Variants in CAMKMT observed in about 807,000 individuals in gnomAD.
CAMKMT encodes CaM KMT.
A neutral mutation model predicts 48.0 loss-of-function variants in CAMKMT; 53 were observed. The ratio of observed to expected loss-of-function variants is 1.10; its 90% confidence interval spans 0.89 to 1.39. The LOEUF (loss-of-function observed/expected upper bound fraction) is 1.39. Ranked by LOEUF, CAMKMT falls within the 40% of genes most tolerant of loss-of-function variation. CAMKMT has a pLI of 0.00. For synonymous variants in CAMKMT, 165 were observed against 152.3 expected (o/e 1.08, Z -0.61); for missense variants, 428 against 402.7 (o/e 1.06, Z -0.54).
At chr2:44,566,966 A>G (rs1668648638) in intron 3 of CAMKMT, among the ~76,000 whole-genome samples, 1 of 152,200 alleles carries the variant, frequency 6.6e-6, no homozygotes, top group East Asian at 1.9e-4. Flanking sequence ...CAGTCGTAGT[A>G]GTAGTAGCAG....
chr2:44,434,390 G>A (rs1211181515), intron 3 of CAMKMT, among the ~76,000 whole-genome samples: 1 of 152,132 alleles, frequency 6.6e-6, no homozygotes, highest in Non-Finnish European at 1.5e-5. Context: ...TCTTCTGTAG[G>A]AATTTGTTGC....
intron 3 of CAMKMT, among the ~76,000 whole-genome samples, chr2:44,511,972 A>C (rs1331703297): frequency 6.6e-6 from 1 of 152,152 alleles, no homozygotes; most frequent in Non-Finnish European, 1.5e-5. Flanking sequence ...GCTCCTTGTA[A>C]TTTCAGACTT....
chr2:44,434,953 T>C (rs1466388743), intron 3 of CAMKMT, among the ~76,000 whole-genome samples: 4 of 152,196 alleles, frequency 2.6e-5, no homozygotes, highest in Non-Finnish European at 4.4e-5. Flanking sequence ...TAAGTAAGTT[T>C]GCTGTTATTT....
intron 3 of CAMKMT, among the ~76,000 whole-genome samples, chr2:44,641,569 T>TAA (rs1673455380): frequency 7.4e-6 from 1 of 134,760 alleles, no homozygotes; most frequent in Non-Finnish European, 1.7e-5. Flanking sequence ...TATATATATA[T>TAA]AATTTTGAGA....
At chr2:44,459,986 C>G (rs954922462) in intron 3 of CAMKMT, among the ~76,000 whole-genome samples, 1 of 152,128 alleles carries the variant, frequency 6.6e-6, no homozygotes, top group Non-Finnish European at 1.5e-5. Context: ...GCCTGGAGGA[C>G]CATTAAGCTC....
intron 3 of CAMKMT, among the ~76,000 whole-genome samples, chr2:44,650,318 G>T (rs1189884077): frequency 1.3e-5 from 2 of 152,062 alleles, no homozygotes; most frequent in Non-Finnish European, 2.9e-5. Flanking sequence ...GTCTTCACGT[G>T]GCCGGTCATA....
intron 3 of CAMKMT, among the ~76,000 whole-genome samples, chr2:44,552,189 G>C (rs1667751209): frequency 6.6e-6 from 1 of 152,062 alleles, no homozygotes; most frequent in Middle Eastern, 3.2e-3. Flanking sequence ...CCATAGGTAT[G>C]CATTATTTAG....
chr2:44,743,563 C>T (rs1482457052), intron 7 of CAMKMT, 59 bp from the exon 8 acceptor site: 4 of 1,259,318 alleles, frequency 3.2e-6, no homozygotes, highest in African/African-American at 1.5e-5. Context: ...GTTAATAGCT[C>T]AAAATCAAAA....
chr2:44,378,357 C>T (rs138602172), intron 2 of CAMKMT, among the ~76,000 whole-genome samples: 44 of 152,276 alleles, frequency 2.9e-4, no homozygotes, highest in African/African-American at 1.1e-3. Flanking sequence ...CATGTAGAAA[C>T]CATCTACTAA....
chr2:44,714,659 T>A (rs2104300454), intron 6 of CAMKMT, among the ~76,000 whole-genome samples: 1 of 152,292 alleles, frequency 6.6e-6, no homozygotes, highest in African/African-American at 2.4e-5. Context: ...CTGACATTGC[T>A]CTCCCTGCTG....
chr2:44,504,982 C>T (rs1253666302), intron 3 of CAMKMT, among the ~76,000 whole-genome samples: 1 of 152,094 alleles, frequency 6.6e-6, no homozygotes, highest in Non-Finnish European at 1.5e-5. Flanking sequence ...AGCCAGTGTG[C>T]ACAGAGGTCA....
intron 3 of CAMKMT, among the ~76,000 whole-genome samples, chr2:44,605,393 G>A (rs1305948391): frequency 1.3e-5 from 2 of 152,050 alleles, no homozygotes; most frequent in Non-Finnish European, 1.5e-5. Flanking sequence ...TTTCTTGAGG[G>A]TGAGTTTTGT....
intron 2 of CAMKMT, among the ~76,000 whole-genome samples, chr2:44,376,964 C>T (rs550952575): frequency 4.3e-4 from 66 of 152,086 alleles, no homozygotes; most frequent in Admixed American, 7.2e-4. Context: ...GGTATGACTC[C>T]TGGATTTTGT....
At chr2:44,507,461 A>G (rs1002677351) in intron 3 of CAMKMT, among the ~76,000 whole-genome samples, 1 of 152,172 alleles carries the variant, frequency 6.6e-6, no homozygotes, top group Non-Finnish European at 1.5e-5. Flanking sequence ...AACCAAATTC[A>G]TGGTGGCCTA....
At chr2:44,612,942 C>G (rs906137820) in intron 3 of CAMKMT, among the ~76,000 whole-genome samples, 1 of 152,168 alleles carries the variant, frequency 6.6e-6, no homozygotes, top group African/African-American at 2.4e-5. Flanking sequence ...TAGGTCTTTG[C>G]CAGTCTACAA....
At chr2:44,522,252 G>A (rs1028543618) in intron 3 of CAMKMT, among the ~76,000 whole-genome samples, 16 of 151,752 alleles carry the variant, frequency 1.1e-4, no homozygotes, top group African/African-American at 3.4e-4. Flanking sequence ...TGATATGCTC[G>A]CCTCGGCCTC....
intron 3 of CAMKMT, among the ~76,000 whole-genome samples, chr2:44,652,629 G>C (rs957783729): frequency 6.6e-6 from 1 of 152,184 alleles, no homozygotes; most frequent in African/African-American, 2.4e-5. Flanking sequence ...AGTAACAAGC[G>C]CATGCACACA....
At chr2:44,495,778 C>T (rs990770958) in intron 3 of CAMKMT, among the ~76,000 whole-genome samples, 2 of 152,164 alleles carry the variant, frequency 1.3e-5, no homozygotes, top group Admixed American at 6.6e-5. Flanking sequence ...TGGTGTGTAC[C>T]TTTCTTGTTC....
At position 44,727,301 on chromosome 2, in the gene CAMKMT, G is replaced by A. The variant is rs190503684; in HGVS notation, c.623+11948G>A. Among the ~76,000 whole-genome samples the A allele has an allele frequency of 1.3e-4, 20 of 152,236 alleles. No homozygotes were observed. In the East Asian group the frequency reaches 3.7e-3, roughly 28 times the overall value. ...GTGTTGTCTTTGATTTCTTTCAGCA[G>A]CGTTTTATAGTTCTCCTTGCAGAGA... is the stretch of plus-strand genomic sequence containing the variant. On this transcript the variant is annotated intron_variant, in intron 7 of 10. Transcript: ENST00000378494.
Sources: allele counts gnomAD v4.1 joint callset (sites outside exome capture counted in the v4.1 genomes callset), GRCh38; gene constraint gnomAD v4.1.1; transcripts MANE v1.5; gene names NCBI Gene and HGNC (gene_info 2026-07-23, HGNC 2026-07-21).